RPS9: variants seen among roughly 807,000 people sequenced by gnomAD.
RPS9 encodes the protein ribosomal protein S9, also known as small ribosomal subunit protein uS4.
Under a neutral mutation model 16.9 loss-of-function variants are expected in RPS9, and 1 was observed. The ratio of observed to expected loss-of-function variants is 0.06; its 90% CI spans 0.02 to 0.28. RPS9 has a LOEUF of 0.28. Ranked by LOEUF, RPS9 falls within the 10% of genes least tolerant of loss-of-function variation. The probability of loss-of-function intolerance (pLI) is 1.00; values close to 1 mark genes in which losing one functional copy is unlikely to be tolerated. For synonymous variants in RPS9, 106 were observed against 110.9 expected (o/e 0.96, Z 0.28); for missense variants, 137 against 273.2 (o/e 0.50, Z 3.51).
chr19:54,202,522 C>T, intron 3 of RPS9: 1 of 978,170 alleles, frequency 1.0e-6, no homozygotes, highest in Non-Finnish European at 1.2e-6. Context: ...GGAGGGCATG[C>T]AGATCACATA....
chr19:54,201,033 C>G (rs1052950813), intron 1 of RPS9, 127 bp from the exon 2 acceptor site: 3 of 1,468,578 alleles, frequency 2.0e-6, no homozygotes, highest in South Asian at 2.7e-5. Flanking sequence ...GGGGCAGATA[C>G]TGACTATGAG....
At chr19:54,202,068 C>G (rs143491773) in intron 3 of RPS9, 76 of 156,036 alleles carry the variant, frequency 4.9e-4, no homozygotes, top group Non-Finnish European at 9.3e-4. Flanking sequence ...GTTGCCCAGG[C>G]TGGAGTGCCG....
At chr19:54,207,318 TGGAGA>T in intron 4 of RPS9, 75 bp from the exon 5 acceptor site, 1 of 1,267,240 alleles carries the variant, frequency 7.9e-7, no homozygotes, top group Non-Finnish European at 1.1e-6. Flanking sequence ...ACGGGGTGGG[TGGAGA>T]GGAAAGAGTG....
At chr19:54,202,518 C>T in intron 3 of RPS9, 2 of 978,548 alleles carry the variant, frequency 2.0e-6, no homozygotes, top group Non-Finnish European at 2.4e-6. Flanking sequence ...TTTAGGAGGG[C>T]ATGCAGATCA....
intron 3 of RPS9, among the ~76,000 whole-genome samples, chr19:54,204,020 T>TTTA (rs2147145348): frequency 6.6e-6 from 1 of 152,316 alleles, no homozygotes; most frequent in Admixed American, 6.5e-5. Flanking sequence ...TGAAAACTAT[T>TTTA]GTCTTCATAC....
chr19:54,201,586 A>G lies in RPS9; in HGVS notation c.197A>G (p.Lys66Arg), dbSNP rs552278556. 2 of 1,614,138 alleles carry G rather than the reference A, an allele frequency of 1.2e-6. No individual in the cohort carries two copies. Among genetic ancestry groups the G allele is most frequent in the Admixed American group, 1.7e-5 (1 of 59,990 alleles). The part of the protein sequence containing the change: ...AARELLTLDE[K>R]DPRRLFEGNA... ...CGGGAACTGCTGACGCTTGATGAGA[A>G]GGACCCACGGCGTCTGTTCGAAGGT... Residue 66 changes from lysine to arginine, a missense_variant, in exon 3 of 5, where the codon AAG becomes AGG. Physicochemically the swap from Lys to Arg is conservative, Grantham distance 26. This residue lies in a region of RPS9 where 64 missense variants were observed against 164.0 expected (regional missense o/e 0.39). Transcript: ENST00000302907.
At position 54,202,787 on chromosome 19, in the gene RPS9, A is replaced by G. The variant is rs1335527278; in HGVS notation, c.220+1178A>G. On this transcript the variant is annotated intron_variant, in intron 3 of 4. Coordinates refer to ENST00000302907, the MANE Select transcript of RPS9 (RefSeq NM_001013.4). ...CTGTTAGGCATGAGAGTGGTCATCC[A>G]TGTTAGGCGTTGAGAAAGTCCTGGC... The G allele has an allele frequency of 9.1e-6, 9 of 985,314 alleles. No individual in the cohort carries two copies. The African/African-American group carries it at 1.4e-4, about 15-fold the overall frequency. The allele number at this position is 985,314 out of a possible 1,614,324, so 61.0% of individuals were successfully genotyped here. A position where few individuals can be genotyped will look rare whatever the true frequency, so the allele number is the denominator to read the frequency against.
chr19:54,200,979 G>T (rs2077022079), intron 1 of RPS9, 91 bp downstream of exon 1: 1 of 1,430,952 alleles, frequency 7.0e-7, no homozygotes, highest in Admixed American at 2.9e-5. Context: ...AAAGACGTTA[G>T]GAAACAGAGC....
chr19:54,206,575 A>T, intron 4 of RPS9, 113 bp downstream of exon 4: 1 of 1,556,372 alleles, frequency 6.4e-7, no homozygotes, highest in Middle Eastern at 1.7e-4. Context: ...ATGGGTGTGA[A>T]CTCACCCAGA....
intron 3 of RPS9, 60 bp downstream of exon 3, chr19:54,201,669 C>G (rs2077057704): frequency 1.2e-6 from 2 of 1,601,334 alleles, no homozygotes; most frequent in African/African-American, 2.7e-5. Flanking sequence ...TTCATTCTCC[C>G]TTCTGTTGCC....
At chr19:54,207,037 GC>G in intron 4 of RPS9, 1 of 440,594 alleles carries the variant, frequency 2.3e-6, no homozygotes, top group Non-Finnish European at 4.1e-6. Flanking sequence ...GTTATTGTGG[GC>G]ATTGCTGCTG....
intron 3 of RPS9, chr19:54,203,423 C>T (rs978770134): frequency 1.4e-5 from 8 of 566,356 alleles, no homozygotes; most frequent in Admixed American, 1.3e-4. Context: ...TTCTGAGTCT[C>T]GTCTGTTAAG....
intron 3 of RPS9, chr19:54,202,482 C>G (rs775408847): frequency 7.1e-6 from 7 of 985,094 alleles, no homozygotes; most frequent in Non-Finnish European, 6.0e-6. Flanking sequence ...TAAAATGTCT[C>G]AGGGAACAGC....
At chr19:54,205,738 G>A (rs2077218956) in intron 3 of RPS9, among the ~76,000 whole-genome samples, 1 of 152,166 alleles carries the variant, frequency 6.6e-6, no homozygotes, top group Non-Finnish European at 1.5e-5. Context: ...CTCAGATGAG[G>A]AGGCAGGTGT....
chr19:54,200,988 G>A (rs2077022337), intron 1 of RPS9, 100 bp downstream of exon 1: 1 of 1,439,742 alleles, frequency 6.9e-7, no homozygotes, highest in Non-Finnish European at 9.1e-7. Context: ...AGGAAACAGA[G>A]CAGGGTGGTT....
chr19:54,203,780 A>G (rs3852888), intron 3 of RPS9, among the ~76,000 whole-genome samples: 1 of 102,870 alleles, frequency 9.7e-6, no homozygotes, highest in Non-Finnish European at 2.0e-5. Context: ...CTCCCCCCCC[A>G]CCCCCCAGCA....
chr19:54,201,778 CT>C lies in RPS9; in HGVS notation c.220+172del, dbSNP rs1428455324. 4.3e-6 allele frequency: 6 copies of C among 1,383,628 alleles called. No homozygotes were observed. In the African/African-American group the frequency reaches 7.3e-5, roughly 17 times the overall value. The allele number at this position is 1,383,628 out of a possible 1,614,324, so 85.7% of individuals were successfully genotyped here. On this transcript the variant is annotated intron_variant, in intron 3 of 4. Coordinates refer to ENST00000302907, the MANE Select transcript of RPS9 (RefSeq NM_001013.4). ...GTAGGAAAAGTGTATCTGGATCAGTCTTTGCCCTGTTTCTTAGGTGTGTGGC... is the reference window on the plus strand; with the variant it reads ...GTAGGAAAAGTGTATCTGGATCAGTCTTGCCCTGTTTCTTAGGTGTGTGGC...
intron 3 of RPS9, chr19:54,201,882 C>T (rs986681171): frequency 3.2e-5 from 17 of 536,724 alleles, no homozygotes; most frequent in Non-Finnish European, 4.8e-5. Flanking sequence ...GGGCACCCGT[C>T]TATATCTTTA....
At chr19:54,201,012 G>C (rs1437453367) in intron 1 of RPS9, 124 bp downstream of exon 1, 2 of 1,448,814 alleles carry the variant, frequency 1.4e-6, no homozygotes, top group East Asian at 2.5e-5. Context: ...CGGGAGTGCA[G>C]CACGGTTGTG....
Sources: gnomAD v4.1 joint callset for allele counts (sites outside exome capture counted in the v4.1 genomes callset) on GRCh38, gnomAD v4.1.1 for gene constraint, gnomAD v4.1.1 regional missense constraint, MANE v1.5 for transcripts, NCBI Gene and HGNC (gene_info 2026-07-23, HGNC 2026-07-21) for gene names.